Variants in SAMTOR observed in about 807,000 individuals in gnomAD.
The protein encoded by SAMTOR is UPF0532 protein C7orf60.
At chr7:112,912,403 G>A in the SAMTOR span, among the ~76,000 whole-genome samples, 1 of 151,590 alleles carries the variant, frequency 6.6e-6, no homozygotes, top group Admixed American at 6.6e-5. Context: ...TTCTGTCCTT[G>A]GCAGGATAAT....
At chr7:112,888,400 T>C in the SAMTOR span, among the ~76,000 whole-genome samples, 2 of 152,166 alleles carry the variant, frequency 1.3e-5, no homozygotes, top group African/African-American at 4.8e-5. Context: ...TTTTAAAAAG[T>C]CAGCAAAGTA....
chr7:112,877,138 T>C, the SAMTOR span, among the ~76,000 whole-genome samples: 1 of 152,176 alleles, frequency 6.6e-6, no homozygotes, highest in Non-Finnish European at 1.5e-5. Context: ...GACTAACCTA[T>C]GTTAACAGCA....
the SAMTOR span, among the ~76,000 whole-genome samples, chr7:112,884,953 T>C: frequency 7.9e-5 from 12 of 152,356 alleles, no homozygotes; most frequent in South Asian, 2.1e-3. Flanking sequence ...GTTTCATACA[T>C]CCTCTGAAAT....
the SAMTOR span, among the ~76,000 whole-genome samples, chr7:112,876,253 C>T: frequency 6.6e-6 from 1 of 152,084 alleles, no homozygotes; most frequent in Non-Finnish European, 1.5e-5. Flanking sequence ...CACCACTGCA[C>T]CTGGACTGCA....
At chr7:112,863,521 TG>T in the SAMTOR span, among the ~76,000 whole-genome samples, 3 of 152,316 alleles carry the variant, frequency 2.0e-5, no homozygotes, top group Admixed American at 2.0e-4. Flanking sequence ...AGAAAATTTT[TG>T]TAAGTTATGT....
At chr7:112,881,290 G>C in the SAMTOR span, among the ~76,000 whole-genome samples, 1,065 of 152,308 alleles carry the variant, frequency 7.0e-3, 10 homozygotes, top group African/African-American at 0.024. Context: ...GCACCCCTTG[G>C]CATGAATAGC....
At chr7:112,891,025 T>TA in the SAMTOR span, among the ~76,000 whole-genome samples, 1 of 152,114 alleles carries the variant, frequency 6.6e-6, no homozygotes, top group Non-Finnish European at 1.5e-5. Flanking sequence ...AAATCATGCT[T>TA]AAAGAATCAA....
the SAMTOR span, among the ~76,000 whole-genome samples, chr7:112,917,297 A>G: frequency 6.6e-6 from 1 of 152,212 alleles, no homozygotes; most frequent in Non-Finnish European, 1.5e-5. Context: ...CGGTTCACGA[A>G]AATCTGCTGG....
At chr7:112,933,343 T>C in the SAMTOR span, among the ~76,000 whole-genome samples, 1 of 152,222 alleles carries the variant, frequency 6.6e-6, no homozygotes, top group Non-Finnish European at 1.5e-5. Flanking sequence ...GCCTGACTTA[T>C]TTAGACACTA....
At chr7:112,924,293 A>G in the SAMTOR span, among the ~76,000 whole-genome samples, 1 of 152,314 alleles carries the variant, frequency 6.6e-6, no homozygotes, top group Admixed American at 6.5e-5. Context: ...GAATTCTTAC[A>G]TCTAAGAGGT....
At chr7:112,903,531 T>A in the SAMTOR span, among the ~76,000 whole-genome samples, 2 of 152,114 alleles carry the variant, frequency 1.3e-5, no homozygotes, top group African/African-American at 4.8e-5. Flanking sequence ...AGCATCACAT[T>A]AATGCTAAAT....
chr7:112,901,343 A>C, the SAMTOR span, among the ~76,000 whole-genome samples: 3 of 152,172 alleles, frequency 2.0e-5, no homozygotes, highest in Non-Finnish European at 4.4e-5. Context: ...CTTATTGTGA[A>C]ATGTGCATGT....
the SAMTOR span, among the ~76,000 whole-genome samples, chr7:112,848,372 A>G: frequency 1.3e-5 from 2 of 152,218 alleles, no homozygotes; most frequent in African/African-American, 4.8e-5. Context: ...ACATTATTGA[A>G]TACCTATTCT....
chr7:112,893,008 C>A, the SAMTOR span, among the ~76,000 whole-genome samples: 2 of 152,138 alleles, frequency 1.3e-5, no homozygotes, highest in African/African-American at 2.4e-5. Flanking sequence ...GTAAACTATT[C>A]TTTAAACAGA....
the SAMTOR span, among the ~76,000 whole-genome samples, chr7:112,935,631 A>G: frequency 6.6e-6 from 1 of 152,188 alleles, no homozygotes; most frequent in Non-Finnish European, 1.5e-5. Flanking sequence ...TTATGTGATA[A>G]ACTGTTTTAA....
chr7:112,900,662 CAG>C, the SAMTOR span, among the ~76,000 whole-genome samples: 1 of 152,064 alleles, frequency 6.6e-6, no homozygotes. Context: ...GTAATCAAGA[CAG>C]TGTGGTAATG....
chr7:112,881,947 C>T, the SAMTOR span, among the ~76,000 whole-genome samples: 6 of 152,368 alleles, frequency 3.9e-5, no homozygotes, highest in East Asian at 1.9e-4. Context: ...AGAAGAGCTG[C>T]GGCCCTTGGG....
At chr7:112,824,994 C>T in the SAMTOR span, among the ~76,000 whole-genome samples, 2 of 151,968 alleles carry the variant, frequency 1.3e-5, no homozygotes, top group African/African-American at 4.8e-5. Flanking sequence ...TCAATTTCTA[C>T]AAAAAAGCCC....
the SAMTOR span, among the ~76,000 whole-genome samples, chr7:112,919,035 T>A: frequency 6.6e-6 from 1 of 152,116 alleles, no homozygotes; most frequent in Non-Finnish European, 1.5e-5. Flanking sequence ...ATTAAACAGA[T>A]CAACGAGACA....
Sources: gnomAD v4.1 joint callset for allele counts (sites outside exome capture counted in the v4.1 genomes callset) on GRCh38, gnomAD v4.1.1 for gene constraint, MANE v1.5 for transcripts, NCBI Gene and HGNC (gene_info 2026-07-23, HGNC 2026-07-21) for gene names.